UBXN8: variants seen among roughly 807,000 people sequenced by gnomAD.
UBXN8 encodes the protein UBX domain-containing protein 8.
A neutral mutation model predicts 32.1 loss-of-function variants in UBXN8; 27 were observed. The observed-to-expected ratio is 0.84, with a 90% CI of 0.62 to 1.16. The LOEUF is 1.16. Among genes scored for constraint, UBXN8 ranks in the 50% most tolerant of loss-of-function variants. The probability of loss-of-function intolerance (pLI) is 0.00; values close to 1 mark genes in which losing one functional copy is unlikely to be tolerated. For missense variants in UBXN8, 306 were observed against 311.4 expected (o/e 0.98, Z 0.13); for synonymous variants, 109 against 111.8 (o/e 0.98, Z 0.16).
chr8:30,764,337 A>C (rs574083745), intron 7 of UBXN8, among the ~76,000 whole-genome samples: 15 of 152,236 alleles, frequency 9.9e-5, no homozygotes, highest in African/African-American at 3.6e-4. Context: ...TTCCTGGCTA[A>C]TTTTTTATTT....
chr8:30,747,894 C>CTTTTTTTTTTTTTT (rs67334347), intron 1 of UBXN8, among the ~76,000 whole-genome samples: 24 of 35,636 alleles, frequency 6.7e-4, no homozygotes, highest in Non-Finnish European at 1.1e-3. Context: ...TATATTTTTT[C>CTTTTTTTTTTTTTT]TTTTTTTTTT....
Position 30,738,596 on chromosome 8 carries a change from G to C in UBXN8, c.622+5288G>C, listed in dbSNP as rs552508221. ...GAATGGCCTGAATCTGGGAGGCGGA[G>C]CTTGCAGTGAGCCGAGATCGTGCCA... On this transcript the variant is annotated intron_variant, in intron 1 of 1. Transcript: ENST00000522968. Among the ~76,000 whole-genome samples, 284 of 148,864 alleles carry C rather than the reference G, an allele frequency of 1.9e-3. 1 individual carries two copies. Among genetic ancestry groups the C allele is most frequent in the South Asian group, 0.01 (47 of 4,688 alleles).
chr8:30,740,328 T>C (rs185476170), upstream of UBXN8, among the ~76,000 whole-genome samples: 3 of 148,768 alleles, frequency 2.0e-5, no homozygotes, highest in Admixed American at 1.4e-4. Context: ...TCATATGAAG[T>C]ATGTGAAGGA....
chr8:30,754,829 A>G (rs769820614), intron 4 of UBXN8, 42 bp downstream of exon 4: 5 of 1,532,900 alleles, frequency 3.3e-6, no homozygotes, highest in East Asian at 5.0e-5. Flanking sequence ...TCCTCTTACT[A>G]TGTTTCCTAT....
chr8:30,765,308 C>G (rs1805968612), intron 7 of UBXN8, among the ~76,000 whole-genome samples: 2 of 152,012 alleles, frequency 1.3e-5, no homozygotes, highest in Non-Finnish European at 2.9e-5. Context: ...GGTTCTCACT[C>G]TGTCACCAAG....
In UBXN8 at chr8:30,760,874, A is replaced by G. The variant is rs1282335388; in HGVS notation, c.529-14A>G. On this transcript the variant is annotated splice_polypyrimidine_tract_variant and intron_variant, in intron 5 of 7. Transcript: ENST00000265616. ...GAACATGTTTACATTCCTCTTACCA[A>G]TACTTTTCTTTAGATTCCTGATTTA... The G allele has an allele frequency of 3.9e-6, 6 of 1,521,096 alleles. No individual in the cohort carries two copies. The highest frequency in any genetic ancestry group is 3.7e-5 in the South Asian group (3 of 80,612). 94.2% of individuals were successfully genotyped at this position (1,521,096 alleles called of 1,614,324 possible).
intron 4 of UBXN8, among the ~76,000 whole-genome samples, chr8:30,755,760 G>GAAA (rs34287599): frequency 1.2e-3 from 104 of 88,200 alleles, no homozygotes; most frequent in African/African-American, 2.4e-3. Flanking sequence ...CCTTTCTCCA[G>GAAA]AAAAAAAAAA....
intron 1 of UBXN8, among the ~76,000 whole-genome samples, chr8:30,737,051 G>A (rs1282900785): frequency 6.6e-6 from 1 of 152,006 alleles, no homozygotes; most frequent in Non-Finnish European, 1.5e-5. Flanking sequence ...AGGGATTAAT[G>A]TTCTTTTTGT....
chr8:30,738,109 A>AG (rs888746768), intron 1 of UBXN8, among the ~76,000 whole-genome samples: 1 of 152,102 alleles, frequency 6.6e-6, no homozygotes, highest in African/African-American at 2.4e-5. Context: ...AAAAAAAAAA[A>AG]AAATAGGAGA....
chr8:30,762,691 C>T (rs1457238483), intron 6 of UBXN8, among the ~76,000 whole-genome samples: 1 of 152,110 alleles, frequency 6.6e-6, no homozygotes, highest in Non-Finnish European at 1.5e-5. Context: ...CCGCACCTGG[C>T]CTGATTGGAA....
At chr8:30,754,587 T>G (rs1430135851) in intron 3 of UBXN8, 78 bp from the exon 4 acceptor site, 1 of 1,484,830 alleles carries the variant, frequency 6.7e-7, no homozygotes, top group African/African-American at 1.4e-5. Context: ...TTGGTTCTTA[T>G]TTACAACTTT....
At chr8:30,741,531 A>AACCTC, upstream of UBXN8, among the ~76,000 whole-genome samples, 1 of 139,552 alleles carries the variant, frequency 7.2e-6, no homozygotes, top group South Asian at 2.2e-4. Flanking sequence ...ATCTCACTGC[A>AACCTC]ACCTCTACCT....
upstream of UBXN8, chr8:30,732,255 G>A (rs1256240345): frequency 2.3e-5 from 9 of 395,178 alleles, no homozygotes; most frequent in Non-Finnish European, 4.0e-5. Flanking sequence ...ATGACCTTTT[G>A]CTGGGACACC....
At chr8:30,762,259 G>C (rs904868100) in intron 6 of UBXN8, among the ~76,000 whole-genome samples, 1 of 151,944 alleles carries the variant, frequency 6.6e-6, no homozygotes, top group Admixed American at 6.6e-5. Context: ...ATTTTTTTTG[G>C]TAAAGATTGG....
intron 1 of UBXN8, among the ~76,000 whole-genome samples, chr8:30,735,576 C>T (rs563812572): frequency 2.0e-5 from 3 of 152,224 alleles, no homozygotes; most frequent in Admixed American, 2.0e-4. Flanking sequence ...CAGTGGCTCA[C>T]GCCTATAATC....
chr8:30,735,283 G>C (rs982733238), intron 1 of UBXN8, among the ~76,000 whole-genome samples: 3 of 152,176 alleles, frequency 2.0e-5, no homozygotes, highest in Non-Finnish European at 4.4e-5. Context: ...TTCAAATTCT[G>C]AAGGCCTAAC....
intron 1 of UBXN8, among the ~76,000 whole-genome samples, chr8:30,749,406 A>AAAATAAAT (rs1554577902): frequency 8.7e-6 from 1 of 114,406 alleles, no homozygotes; most frequent in Admixed American, 7.9e-5. Flanking sequence ...AAAAAAAAAT[A>AAAATAAAT]AAATAAATAA....
At chr8:30,741,753 A>G (rs1057148756), upstream of UBXN8, among the ~76,000 whole-genome samples, 1 of 152,126 alleles carries the variant, frequency 6.6e-6, no homozygotes, top group African/African-American at 2.4e-5. Context: ...CCCGGCCACA[A>G]TGTTCTTTTC....
chr8:30,740,088 G>A (rs1157169011), upstream of UBXN8, among the ~76,000 whole-genome samples: 1 of 140,322 alleles, frequency 7.1e-6, no homozygotes, highest in East Asian at 2.0e-4. Flanking sequence ...GTGTTTTTTT[G>A]TAGAGATGGG....
Sources: allele counts gnomAD v4.1 joint callset (sites outside exome capture counted in the v4.1 genomes callset), GRCh38; gene constraint gnomAD v4.1.1; transcripts MANE v1.5; gene names NCBI Gene and HGNC (gene_info 2026-07-23, HGNC 2026-07-21).